Variants in AGMO observed in about 807,000 individuals in gnomAD.
The protein encoded by AGMO is glyceryl-ether monooxygenase.
AGMO carries 75 observed loss-of-function variants against 60.2 expected under a neutral mutation model. That is an observed-to-expected ratio of 1.25 (90% CI 1.03 to 1.51). The LOEUF (loss-of-function observed/expected upper bound fraction) is 1.51, where lower values mean the gene tolerates loss of function less well. Ranked by LOEUF, AGMO falls within the 40% of genes most tolerant of loss-of-function variation. AGMO has a pLI of 0.00. For missense variants in AGMO, 763 were observed against 525.5 expected (o/e 1.45, Z -4.42); for synonymous variants, 261 against 177.1 (o/e 1.47, Z -3.76).
rs556537150 is a variant in AGMO, at chr7:15,530,503, G to A, written c.409+14269C>T. Among the ~76,000 whole-genome samples the A allele has an allele frequency of 1.2e-3, 44 of 36,444 alleles. 7 individuals carry two copies. Among genetic ancestry groups the A allele is most frequent in the African/African-American group, 4.1e-3 (42 of 10,172 alleles). The allele number at this position is 36,444 out of a possible 152,430, so 23.9% of individuals were successfully genotyped here. A position where few individuals can be genotyped will look rare whatever the true frequency, so the allele number is the denominator to read the frequency against. On this transcript the variant is annotated intron_variant, in intron 3 of 12. Coordinates refer to ENST00000342526, the MANE Select transcript of AGMO (RefSeq NM_001004320.2). The stretch of plus-strand genomic sequence containing the variant: ...GTATTTCTATATATATTCTATATAC[G>A]TATTTCTATATATATATTCTATATA...
intron 12 of AGMO, among the ~76,000 whole-genome samples, chr7:15,250,894 G>A (rs924295637): frequency 5.3e-5 from 8 of 151,604 alleles, no homozygotes; most frequent in Non-Finnish European, 1.2e-4. Context: ...GCAGTGAGCC[G>A]AGATTGCACC....
In AGMO at chr7:15,385,280, A is replaced by G. The variant is rs140857361; in HGVS notation, c.1074+166T>C. Among the ~76,000 whole-genome samples, 334 of 152,338 alleles carry G rather than the reference A, an allele frequency of 2.2e-3. 1 individual carries two copies. The highest frequency in any genetic ancestry group is 7.5e-3 in the African/African-American group (310 of 41,582). ...GGATAGAATTCATTCATTTACATTT[A>G]GTAGTCTAGAAGATTTGTTTTACCT... On this transcript the variant is annotated intron_variant, in intron 10 of 12. Transcript: ENST00000342526.
chr7:15,446,497 T>G (rs762219460), intron 3 of AGMO, among the ~76,000 whole-genome samples: 8 of 152,222 alleles, frequency 5.3e-5, no homozygotes, highest in Non-Finnish European at 1.2e-4. Flanking sequence ...GAAGATTAAC[T>G]GTACCCAAAT....
At chr7:15,274,885 A>ACAT (rs1397402658) in intron 12 of AGMO, among the ~76,000 whole-genome samples, 2 of 151,570 alleles carry the variant, frequency 1.3e-5, no homozygotes, top group African/African-American at 2.4e-5. Flanking sequence ...TTTCTGTGGT[A>ACAT]TCAGTTGTAA....
intron 12 of AGMO, among the ~76,000 whole-genome samples, chr7:15,339,367 T>C (rs1468279401): frequency 3.9e-5 from 6 of 152,180 alleles, no homozygotes; most frequent in Non-Finnish European, 2.9e-5. Flanking sequence ...TTTGAAGACA[T>C]GATTGTAATT....
At chr7:15,456,439 G>T (rs1489717827) in intron 3 of AGMO, among the ~76,000 whole-genome samples, 1 of 152,100 alleles carries the variant, frequency 6.6e-6, no homozygotes, top group Non-Finnish European at 1.5e-5. Flanking sequence ...CTTTGAGAAT[G>T]ATTAGAATTT....
At chr7:15,411,263 TA>T (rs1188209062) in intron 5 of AGMO, among the ~76,000 whole-genome samples, 1 of 152,008 alleles carries the variant, frequency 6.6e-6, no homozygotes, top group Non-Finnish European at 1.5e-5. Context: ...AAACTTCTAT[TA>T]TTTATAAATT....
chr7:15,332,770 A>T (rs1260057938), intron 12 of AGMO, among the ~76,000 whole-genome samples: 1 of 152,192 alleles, frequency 6.6e-6, no homozygotes, highest in African/African-American at 2.4e-5. Context: ...TTATTTATCA[A>T]AATGGCTTAT....
In AGMO at chr7:15,378,697, T is replaced by G. The variant is rs1407672738; in HGVS notation, c.1074+6749A>C. ...TCAGCACTAGACCAAATGGACCTGA[T>G]AGATACAGTCAGAACTCTCCACCCA... On this transcript the variant is annotated intron_variant, in intron 10 of 12. Transcript: ENST00000342526. Among the ~76,000 whole-genome samples, 3 of 151,940 alleles carry G rather than the reference T, an allele frequency of 2.0e-5. No homozygotes were observed. The East Asian group carries it at 5.8e-4, about 29-fold the overall frequency.
intron 12 of AGMO, among the ~76,000 whole-genome samples, chr7:15,343,366 A>G (rs1747073153): frequency 6.6e-6 from 1 of 152,094 alleles, no homozygotes; most frequent in Non-Finnish European, 1.5e-5. Context: ...CAAATATTTA[A>G]CTCATTTTTT....
At chr7:15,257,595 C>A (rs1158507721) in intron 12 of AGMO, among the ~76,000 whole-genome samples, 1 of 152,086 alleles carries the variant, frequency 6.6e-6, no homozygotes, top group African/African-American at 2.4e-5. Flanking sequence ...AATACAATTG[C>A]CTTGGGGCAA....
rs546710250 is a variant in AGMO, at chr7:15,396,949, C to T, written c.610-2770G>A. On this transcript the variant is annotated intron_variant, in intron 5 of 12. Coordinates refer to ENST00000342526, the MANE Select transcript of AGMO (RefSeq NM_001004320.2). The stretch of plus-strand genomic sequence containing the variant: ...GTCCCCTCACCTGATTAGTTAGCGA[C>T]TGAGTGCTAATTGGTGCATTTACAA... 4.5e-4 allele frequency among the ~76,000 whole-genome samples: 68 copies of T among 152,234 alleles called. 3 individuals are homozygous for T. In the South Asian group the frequency reaches 8.9e-3, roughly 20 times the overall value.
At chr7:15,494,075 A>G (rs1783155432) in intron 3 of AGMO, among the ~76,000 whole-genome samples, 1 of 152,118 alleles carries the variant, frequency 6.6e-6, no homozygotes, top group East Asian at 1.9e-4. Context: ...TGGGTTAAGG[A>G]GTTTAAGGTC....
At chr7:15,401,756 A>G (rs1784558020) in intron 5 of AGMO, among the ~76,000 whole-genome samples, 1 of 152,174 alleles carries the variant, frequency 6.6e-6, no homozygotes, top group African/African-American at 2.4e-5. Flanking sequence ...ATAATAGGGA[A>G]AATATATCCT....
chr7:15,450,416 T>A (rs558198869), intron 3 of AGMO, among the ~76,000 whole-genome samples: 2 of 144,042 alleles, frequency 1.4e-5, no homozygotes, highest in African/African-American at 5.2e-5. Context: ...CGAGTCTCCA[T>A]CTCAAAAAAA....
chr7:15,337,099 T>C (rs566612836), intron 12 of AGMO, among the ~76,000 whole-genome samples: 5 of 152,176 alleles, frequency 3.3e-5, no homozygotes, highest in Non-Finnish European at 5.9e-5. Context: ...GTTAGCAAAA[T>C]GTCACATCCC....
chr7:15,341,099 G>A (rs925874069), intron 12 of AGMO, among the ~76,000 whole-genome samples: 1 of 152,158 alleles, frequency 6.6e-6, no homozygotes, highest in Non-Finnish European at 1.5e-5. Context: ...AGAGCTTGAA[G>A]GTCTTTGACA....
intron 3 of AGMO, among the ~76,000 whole-genome samples, chr7:15,534,413 C>A (rs1351271364): frequency 6.6e-6 from 1 of 152,006 alleles, no homozygotes; most frequent in East Asian, 1.9e-4. Flanking sequence ...AAATCAAATT[C>A]CATGATATTC....
At chr7:15,505,118 G>A (rs1276825794) in intron 3 of AGMO, among the ~76,000 whole-genome samples, 4 of 151,382 alleles carry the variant, frequency 2.6e-5, no homozygotes, top group South Asian at 2.1e-4. Flanking sequence ...TTTTATCCAC[G>A]TTTCAAGTCA....
Sources: gnomAD v4.1 joint callset for allele counts (sites outside exome capture counted in the v4.1 genomes callset) on GRCh38, gnomAD v4.1.1 for gene constraint, MANE v1.5 for transcripts, NCBI Gene and HGNC (gene_info 2026-07-23, HGNC 2026-07-21) for gene names.